Variants in CELF2 observed in about 807,000 individuals in gnomAD.
CELF2 encodes the protein CUGBP Elav-like family member 2.
A neutral mutation model predicts 62.6 loss-of-function variants in CELF2; 8 were observed. The observed-to-expected ratio is 0.13, with a 90% confidence interval of 0.07 to 0.23. The LOEUF is 0.23. Ranked by LOEUF, CELF2 falls within the 10% of genes least tolerant of loss-of-function variation. The pLI is 1.00. For synonymous variants in CELF2, 258 were observed against 250.0 expected, an observed-to-expected ratio of 1.03 and a Z score of -0.30; for missense variants, 333 against 671.0, an observed-to-expected ratio of 0.50 and a Z score of 5.56.
At chr10:11,062,534 G>C (rs1172353281) in intron 1 of CELF2, among the ~76,000 whole-genome samples, 1 of 152,174 alleles carries the variant, frequency 6.6e-6, no homozygotes, top group Non-Finnish European at 1.5e-5. Flanking sequence ...AGGGTTTCAA[G>C]ACTTCATTGG....
At chr10:10,499,153 G>A in the CELF2 span, among the ~76,000 whole-genome samples, 6 of 148,774 alleles carry the variant, frequency 4.0e-5, no homozygotes, top group African/African-American at 1.2e-4. Context: ...TGCAACCTCC[G>A]CCTCCTGGGT....
chr10:10,512,790 A>C, the CELF2 span, among the ~76,000 whole-genome samples: 1 of 152,152 alleles, frequency 6.6e-6, no homozygotes, highest in Non-Finnish European at 1.5e-5. Context: ...CTGTTAAGCC[A>C]CAGTTGTCTC....
At chr10:10,736,428 T>C in the CELF2 span, among the ~76,000 whole-genome samples, 1 of 146,118 alleles carries the variant, frequency 6.8e-6, no homozygotes, top group African/African-American at 2.6e-5. Context: ...TTCCTATTGG[T>C]TTGTATACTT....
At chr10:11,108,403 G>C (rs1275145635) in intron 1 of CELF2, among the ~76,000 whole-genome samples, 2 of 150,932 alleles carry the variant, frequency 1.3e-5, no homozygotes, top group African/African-American at 4.9e-5. Context: ...TGTTTTGCTA[G>C]GTGTGCATCT....
At chr10:10,616,652 A>T in the CELF2 span, among the ~76,000 whole-genome samples, 6 of 150,722 alleles carry the variant, frequency 4.0e-5, no homozygotes, top group Admixed American at 1.3e-4. Flanking sequence ...AGGGCAAAAC[A>T]GTGCTTCCTC....
intron 2 of CELF2, among the ~76,000 whole-genome samples, chr10:10,982,837 C>T (rs1484955137): frequency 2.6e-5 from 4 of 151,970 alleles, no homozygotes; most frequent in Non-Finnish European, 5.9e-5. Context: ...AAATCTTCAA[C>T]TTTTAAGGTG....
rs917140197 is a variant in CELF2, at chr10:10,983,376, T to C, written c.89+63377T>C. 3.9e-5 allele frequency among the ~76,000 whole-genome samples: 6 copies of C among 152,200 alleles called. No homozygotes were observed. The highest frequency in any genetic ancestry group is 1.4e-4 in the African/African-American group (6 of 41,444). ...TGATACATATCTTCCCTAACCTGTT[T>C]ACTTGATTGAATTGATTAGGGACTA... On this transcript the variant is annotated intron_variant, in intron 2 of 13. Transcript: ENST00000636488. The surrounding 1 kb of genome is among the most constrained non-coding windows in gnomAD (Gnocchi z 5.2).
At chr10:10,508,702 G>GTATA in the CELF2 span, among the ~76,000 whole-genome samples, 3 of 35,452 alleles carry the variant, frequency 8.5e-5, no homozygotes, top group African/African-American at 2.0e-4. Flanking sequence ...GTGTGTGTGT[G>GTATA]TGTATATTTT....
chr10:11,229,127 G>A (rs1324669563), intron 3 of CELF2, among the ~76,000 whole-genome samples: 1 of 152,158 alleles, frequency 6.6e-6, no homozygotes, highest in Non-Finnish European at 1.5e-5. Context: ...GTCAGTGCTG[G>A]GGTGAGTACA....
At chr10:10,696,827 T>C in the CELF2 span, among the ~76,000 whole-genome samples, 3 of 152,216 alleles carry the variant, frequency 2.0e-5, no homozygotes, top group Non-Finnish European at 2.9e-5. Flanking sequence ...GGCAATGCCT[T>C]GCCCTGCTTC....
chr10:11,031,149 A>G (rs1243562606), intron 1 of CELF2, among the ~76,000 whole-genome samples: 1 of 152,192 alleles, frequency 6.6e-6, no homozygotes, highest in Non-Finnish European at 1.5e-5. Context: ...GAATTAGAAA[A>G]TGGTTCTCAG....
At chr10:11,088,564 C>CAGCGTGCATACCCCTGCTCACCT (rs148433754) in intron 1 of CELF2, among the ~76,000 whole-genome samples, 1 of 151,860 alleles carries the variant, frequency 6.6e-6, no homozygotes, top group African/African-American at 2.4e-5. Context: ...CTAGCAGAGC[C>CAGCGTGCATACCCCTGCTCACCT]GGATTTCTCA....
At chr10:11,265,068 T>G (rs1161689262) in intron 5 of CELF2, among the ~76,000 whole-genome samples, 21 of 152,234 alleles carry the variant, frequency 1.4e-4, no homozygotes, top group Admixed American at 1.4e-3. Flanking sequence ...TGCTTTCTCT[T>G]ATTGCTGTTG....
chr10:11,077,613 A>G (rs2072476985), intron 1 of CELF2, among the ~76,000 whole-genome samples: 1 of 152,192 alleles, frequency 6.6e-6, no homozygotes, highest in Non-Finnish European at 1.5e-5. Context: ...TATTACTTTT[A>G]TCAGCAAAAT....
chr10:11,200,684 C>T (rs935019849), intron 2 of CELF2, among the ~76,000 whole-genome samples: 1 of 152,226 alleles, frequency 6.6e-6, no homozygotes, highest in Admixed American at 6.5e-5. Flanking sequence ...TCTGCATAGG[C>T]CTGCCTGTCA....
intron 1 of CELF2, among the ~76,000 whole-genome samples, chr10:10,852,534 G>A (rs1013681860): frequency 2.6e-5 from 4 of 152,116 alleles, no homozygotes; most frequent in African/African-American, 4.8e-5. Context: ...TTGACTGGGT[G>A]GTAGATACAC....
chr10:10,576,590 C>T, the CELF2 span, among the ~76,000 whole-genome samples: 1 of 152,140 alleles, frequency 6.6e-6, no homozygotes, highest in East Asian at 1.9e-4. Context: ...TCTGGGATGA[C>T]TTGTGTATTC....
intron 2 of CELF2, among the ~76,000 whole-genome samples, chr10:10,980,351 CA>C (rs1245397363): frequency 6.6e-6 from 1 of 152,158 alleles, no homozygotes; most frequent in East Asian, 1.9e-4. Flanking sequence ...CTTCCCCCCC[CA>C]AGATGGTACC....
At chr10:10,483,412 C>T in the CELF2 span, among the ~76,000 whole-genome samples, 3 of 152,138 alleles carry the variant, frequency 2.0e-5, no homozygotes, top group South Asian at 6.2e-4. Context: ...AACACAGTTC[C>T]TGGTAGCACA....
Sources: gnomAD v4.1 joint callset for allele counts (sites outside exome capture counted in the v4.1 genomes callset) on GRCh38, gnomAD v4.1.1 for gene constraint, Gnocchi (gnomAD v3.1) non-coding constraint, MANE v1.5 for transcripts, NCBI Gene and HGNC (gene_info 2026-07-23, HGNC 2026-07-21) for gene names.